The following MTSS1 variants were observed in gnomAD, a reference collection of about 807,000 sequenced individuals.
MTSS1 encodes the protein protein MTSS 1.
A neutral mutation model predicts 79.0 loss-of-function variants in MTSS1; 18 were observed. The ratio of observed to expected loss-of-function variants is 0.23; its 90% CI spans 0.16 to 0.34. The LOEUF is 0.34. Ranked by LOEUF, MTSS1 falls within the 10% of genes least tolerant of loss-of-function variation. The probability of loss-of-function intolerance (pLI) is 1.00; values close to 1 mark genes in which losing one functional copy is unlikely to be tolerated. For missense variants in MTSS1, 815 were observed against 986.2 expected (o/e 0.83, Z 2.33); for synonymous variants, 341 against 368.6 (o/e 0.93, Z 0.86).
At chr8:124,593,554 C>T (rs1490049731) in intron 3 of MTSS1, among the ~76,000 whole-genome samples, 1 of 152,180 alleles carries the variant, frequency 6.6e-6, no homozygotes, top group Non-Finnish European at 1.5e-5. Context: ...CACCACCATG[C>T]GATGGAATTG....
chr8:124,649,847 T>C (rs1259085943), intron 3 of MTSS1, among the ~76,000 whole-genome samples: 3 of 151,814 alleles, frequency 2.0e-5, no homozygotes, highest in Non-Finnish European at 4.4e-5. Flanking sequence ...CTGTTTCAGG[T>C]TGGAATCTTT....
intron 6 of MTSS1, among the ~76,000 whole-genome samples, chr8:124,577,830 A>G (rs568230297): frequency 1.7e-3 from 264 of 152,106 alleles, no homozygotes; most frequent in African/African-American, 4.3e-3. Context: ...TCAAAAATCA[A>G]TGGGGGTGGG....
rs1833040540 is a variant in MTSS1, at chr8:124,597,878, C to T, written c.209-6643G>A. Among the ~76,000 whole-genome samples, 1 of 152,244 alleles carries T rather than the reference C, an allele frequency of 6.6e-6. No individual in the cohort carries two copies. Among genetic ancestry groups the T allele is most frequent in the African/African-American group, 2.4e-5 (1 of 41,468 alleles). ...AGGAGAGGAGAACGCTCTCAGGCAT[C>T]TCTGCAGGAGAGGGGTGCAGGGCAG... On this transcript the variant is annotated intron_variant, in intron 3 of 13. Coordinates refer to ENST00000518547, the MANE Select transcript of MTSS1 (RefSeq NM_014751.6). The surrounding 1 kb of genome is among the most constrained non-coding windows in gnomAD (Gnocchi z 4.6).
In MTSS1 at chr8:124,556,374, G is replaced by C; in HGVS notation, c.1262C>G (p.Pro421Arg). The change falls in exon 12 of 14, where the codon CCT (proline) becomes CGT (arginine). Residue 421 changes from proline (P) to arginine (R), a missense_variant. By Grantham distance (103) the Pro-to-Arg change is moderately radical (BLOSUM62 -2). Transcript: ENST00000518547. ...GCGGCGCTGCAGGGTGTTCACCAGA[G>C]GCTGGTCATAGGGCCCAGGCTTAGC... ...DWAKPGPYDQ[P>R]LVNTLQRRKE... 1.9e-6 allele frequency: 3 copies of C among 1,614,032 alleles called. 1 individual carries two copies. In the South Asian group the frequency reaches 3.3e-5, roughly 18 times the overall value.
chr8:124,632,298 A>AAAAT (rs1563900752), intron 3 of MTSS1, among the ~76,000 whole-genome samples: 1 of 149,272 alleles, frequency 6.7e-6, no homozygotes. Context: ...AAAAAAAAAA[A>AAAAT]GGTAAGGAAC....
At chr8:124,701,101 G>A (rs1399870346) in intron 2 of MTSS1, among the ~76,000 whole-genome samples, 2 of 152,152 alleles carry the variant, frequency 1.3e-5, no homozygotes, top group South Asian at 2.1e-4. Flanking sequence ...GCCGGGCACA[G>A]TGGTGCATGC....
chr8:124,621,584 G>A (rs1158694144), intron 3 of MTSS1, among the ~76,000 whole-genome samples: 5 of 152,086 alleles, frequency 3.3e-5, no homozygotes, highest in African/African-American at 7.2e-5. Context: ...TCGCCCTGTC[G>A]CCCAGGCTAC....
chr8:124,687,976 G>GC (rs1827255237), intron 3 of MTSS1, among the ~76,000 whole-genome samples: 2 of 152,296 alleles, frequency 1.3e-5, no homozygotes, highest in East Asian at 3.9e-4. Flanking sequence ...GCGCTCAAAT[G>GC]CGGCTCTAAA....
At chr8:124,687,157 T>C (rs1827120523) in intron 3 of MTSS1, among the ~76,000 whole-genome samples, 1 of 152,178 alleles carries the variant, frequency 6.6e-6, no homozygotes, top group Non-Finnish European at 1.5e-5. Context: ...GCCAGAGCGA[T>C]GGGCATCATC....
chr8:124,601,918 G>A (rs1833892101), intron 3 of MTSS1, among the ~76,000 whole-genome samples: 1 of 152,048 alleles, frequency 6.6e-6, no homozygotes, highest in Non-Finnish European at 1.5e-5. Flanking sequence ...AGTCTTCAAA[G>A]GAAAGTAAGA....
intron 3 of MTSS1, among the ~76,000 whole-genome samples, chr8:124,664,493 A>C (rs1419910970): frequency 6.6e-6 from 1 of 152,178 alleles, no homozygotes; most frequent in Non-Finnish European, 1.5e-5. Context: ...AGAGTTTAGG[A>C]GCACACAAGA....
intron 8 of MTSS1, 110 bp downstream of exon 8, chr8:124,566,961 G>T: frequency 1.3e-6 from 1 of 785,794 alleles, no homozygotes; most frequent in Non-Finnish European, 2.1e-6. Context: ...TGAAGGACGT[G>T]GTGAATATGA....
chr8:124,553,243 G>C lies in MTSS1; in HGVS notation c.2017C>G (p.Pro673Ala). The C allele has an allele frequency of 6.2e-7, 1 of 1,614,154 alleles. No homozygotes were observed. The highest frequency in any genetic ancestry group is 1.7e-5 in the Admixed American group (1 of 60,022). ...SMWSGQASVN[P>A]PLPGPKPSIP... The stretch of plus-strand genomic sequence containing the variant: ...CTGGGCTTCGGGCCTGGAAGTGGAG[G>C]GTTAACGGAAGCTTGGCCGCTCCAC... Residue 673 changes from proline to alanine, a missense_variant, in exon 14 of 14, where the codon CCT becomes GCT. Around this residue, in one of 2 missense-constraint regions of MTSS1, gnomAD observed 590 missense variants for 620.8 expected, o/e 0.95. Transcript: ENST00000518547. This position sits in a 1 kb window ranked among gnomAD's most constrained non-coding sequence, Gnocchi z 6.0.
intron 3 of MTSS1, among the ~76,000 whole-genome samples, chr8:124,603,189 C>T (rs1213967355): frequency 6.6e-6 from 1 of 152,212 alleles, no homozygotes; most frequent in Non-Finnish European, 1.5e-5. Flanking sequence ...CCACTCCTGG[C>T]TAATTTTTGT....
intron 9 of MTSS1, among the ~76,000 whole-genome samples, 167 bp from the exon 10 acceptor site, chr8:124,563,159 G>A (rs1380370246): frequency 6.6e-6 from 1 of 152,106 alleles, no homozygotes; most frequent in East Asian, 1.9e-4. Context: ...CACAAAACAC[G>A]TTTTCAAAAC....
rs140100107 is a variant in MTSS1 at position 124,726,560 on chromosome 8, C to T, written c.72+1324G>A. Among the ~76,000 whole-genome samples, 95 of 152,332 alleles carry T rather than the reference C, an allele frequency of 6.2e-4. 2 individuals are homozygous for T. In the East Asian group the frequency reaches 0.01, roughly 17 times the overall value. ...GATTTCAAAATGGACAAAACCAGGA[C>T]AGAGGCAGCTTGATAAAGTTCACCC... On this transcript the variant is annotated intron_variant, in intron 1 of 13. Transcript: ENST00000518547.
intron 3 of MTSS1, among the ~76,000 whole-genome samples, chr8:124,655,329 G>A (rs757389473): frequency 4.6e-5 from 7 of 152,240 alleles, no homozygotes; most frequent in Non-Finnish European, 1.5e-5. Flanking sequence ...TGTTGCAACA[G>A]TTAGTGGTCA....
At chr8:124,676,056 C>T (rs1825232803) in intron 3 of MTSS1, among the ~76,000 whole-genome samples, 1 of 152,204 alleles carries the variant, frequency 6.6e-6, no homozygotes, top group East Asian at 1.9e-4. Flanking sequence ...CTTCCTTCCT[C>T]ATTAAGCCAT....
At chr8:124,660,952 C>T (rs886839431) in intron 3 of MTSS1, among the ~76,000 whole-genome samples, 12 of 152,216 alleles carry the variant, frequency 7.9e-5, no homozygotes, top group Non-Finnish European at 1.3e-4. Flanking sequence ...CGTACACACA[C>T]GCACAATTTG....
Sources: allele counts gnomAD v4.1 joint callset (sites outside exome capture counted in the v4.1 genomes callset), GRCh38; gene constraint gnomAD v4.1.1; regional missense constraint gnomAD v4.1.1; non-coding constraint Gnocchi (gnomAD v3.1); transcripts MANE v1.5; gene names NCBI Gene and HGNC (gene_info 2026-07-23, HGNC 2026-07-21).